Variants in RBM41 observed in about 807,000 individuals in gnomAD.
The protein encoded by RBM41 is RNA-binding protein 41.
RBM41 carries 14 observed loss-of-function variants against 30.8 expected under a neutral mutation model. That is an observed-to-expected ratio of 0.45 (90% CI 0.30 to 0.71). The LOEUF is 0.71. Among genes scored for constraint, RBM41 ranks in the 30% least tolerant of loss-of-function variants. The pLI is 0.08. For synonymous variants in RBM41, 120 were observed against 110.1 expected (o/e 1.09, Z -0.56); for missense variants, 276 against 326.3 (o/e 0.85, Z 1.19).
intron 6 of RBM41, among the ~76,000 whole-genome samples, chrX:107,082,123 G>A (rs1457661070): frequency 9.0e-6 from 1 of 111,671 alleles, no homozygotes; most frequent in Non-Finnish European, 1.9e-5. Context: ...TCCAGTTTCT[G>A]TTAAGTATAA....
intron 6 of RBM41, 32 bp from the exon 7 acceptor site, chrX:107,069,434 A>C (rs1935964361): frequency 8.6e-7 from 1 of 1,161,571 alleles, no homozygotes; most frequent in Non-Finnish European, 1.2e-6. Context: ...CCAAAATATC[A>C]TATAAAGGAG....
chrX:107,104,981 C>T (rs1447008104), intron 5 of RBM41, among the ~76,000 whole-genome samples: 6 of 110,270 alleles, frequency 5.4e-5, no homozygotes, highest in Non-Finnish European at 1.1e-4. Context: ...CCTCTCTCAC[C>T]ACTCCTATTC....
At chrX:107,074,829 C>A (rs778921962) in intron 6 of RBM41, among the ~76,000 whole-genome samples, 2 of 111,410 alleles carry the variant, frequency 1.8e-5, no homozygotes, top group Non-Finnish European at 3.8e-5. Context: ...TTAATATATC[C>A]GAACTATCCA....
intron 6 of RBM41, among the ~76,000 whole-genome samples, chrX:107,083,046 T>A (rs747415447): frequency 1.8e-5 from 2 of 111,019 alleles, no homozygotes; most frequent in Non-Finnish European, 3.8e-5. Flanking sequence ...ATTTTGCTTA[T>A]CTCTGGAGAA....
chrX:107,098,366 T>C (rs185086146), intron 5 of RBM41, among the ~76,000 whole-genome samples: 1 of 111,862 alleles, frequency 8.9e-6, no homozygotes. Context: ...GAAAAACAAG[T>C]TGGAAAGAAT....
intron 6 of RBM41, among the ~76,000 whole-genome samples, chrX:107,073,930 A>C (rs749926559): frequency 1.8e-5 from 2 of 111,665 alleles, no homozygotes; most frequent in African/African-American, 3.3e-5. Context: ...GATTTCATAG[A>C]AGTAAAAAGT....
chrX:107,067,402 T>A lies in RBM41; in HGVS notation c.*125A>T, dbSNP rs1440601881. On this transcript the variant is annotated 3_prime_UTR_variant, in exon 8 of 8. Coordinates refer to ENST00000685964, the MANE Select transcript of RBM41 (RefSeq NM_001324242.2). The stretch of plus-strand genomic sequence containing the variant: ...AGTTCTCTCCAAAAGCTGAAATTAC[T>A]TTTTTCCCCTCCCTCAGTTAGTTTT... 9.2e-7 allele frequency: 1 copy of A among 1,090,970 alleles called. No individual in the cohort carries two copies. Among genetic ancestry groups the A allele is most frequent in the African/African-American group, 1.9e-5 (1 of 53,871 alleles). 89.9% of individuals were successfully genotyped at this position (1,090,970 alleles called of 1,213,427 possible).
At chrX:107,077,573 A>AACACACACACACACACACAC (rs35841168) in intron 6 of RBM41, among the ~76,000 whole-genome samples, 12 of 92,675 alleles carry the variant, frequency 1.3e-4, no homozygotes, top group African/African-American at 5.1e-4. Flanking sequence ...CAACATACAT[A>AACACACACACACACACACAC]ACACACACAC....
At chrX:107,054,084 G>A in the RBM41 span, among the ~76,000 whole-genome samples, 9 of 110,435 alleles carry the variant, frequency 8.1e-5, no homozygotes, top group East Asian at 2.8e-4. Context: ...CAGTGAGAGC[G>A]AAAGGGGGTA....
intron 6 of RBM41, among the ~76,000 whole-genome samples, chrX:107,076,920 A>C (rs989245131): frequency 1.8e-5 from 2 of 111,987 alleles, no homozygotes; most frequent in African/African-American, 6.5e-5. Context: ...TAGAATCTTT[A>C]AGTTTCAAAA....
intron 6 of RBM41, among the ~76,000 whole-genome samples, chrX:107,077,618 C>G (rs1921101840): frequency 1.2e-5 from 1 of 81,340 alleles, no homozygotes; most frequent in African/African-American, 5.8e-5. Context: ...ACAGATAAAG[C>G]TAGGTTCAAA....
At position 107,063,495 on chromosome X, in the gene RBM41, T is replaced by C. The variant is rs936171123; in HGVS notation, c.*4032A>G. 8.9e-6 allele frequency among the ~76,000 whole-genome samples: 1 copy of C among 112,312 alleles called. No homozygotes were observed. The highest frequency in any genetic ancestry group is 3.2e-5 in the African/African-American group (1 of 30,982). ...AGCTATTTCAGCCTGGGCTCTTCTT[T>C]GTGGGTATCTTTTCAAAAACTCATT... On this transcript the variant is annotated 3_prime_UTR_variant, in exon 8 of 8. Coordinates refer to ENST00000685964, the MANE Select transcript of RBM41 (RefSeq NM_001324242.2).
intron 6 of RBM41, among the ~76,000 whole-genome samples, chrX:107,076,048 T>G (rs1304390174): frequency 5.4e-5 from 6 of 111,197 alleles, no homozygotes; most frequent in Non-Finnish European, 1.1e-4. Flanking sequence ...CTGGGTGTGG[T>G]GGCTCACGCC....
intron 5 of RBM41, among the ~76,000 whole-genome samples, chrX:107,108,862 A>T (rs769629435): frequency 9.6e-6 from 1 of 104,277 alleles, no homozygotes; most frequent in South Asian, 3.9e-4. Context: ...TCCTTGGAGA[A>T]TTTTCACTAT....
intron 5 of RBM41, among the ~76,000 whole-genome samples, chrX:107,101,665 T>G (rs1244229554): frequency 9.0e-6 from 1 of 111,688 alleles, no homozygotes; most frequent in Non-Finnish European, 1.9e-5. Flanking sequence ...CTTGCCAACA[T>G]TTTGATTTTG....
At chrX:107,060,419 A>G (rs1935621912), downstream of RBM41, among the ~76,000 whole-genome samples, 2 of 110,028 alleles carry the variant, frequency 1.8e-5, no homozygotes, top group South Asian at 7.9e-4. Flanking sequence ...CAATGATGTT[A>G]TAAAAAGGGA....
intron 5 of RBM41, among the ~76,000 whole-genome samples, chrX:107,097,891 G>A (rs890134382): frequency 4.5e-5 from 5 of 111,314 alleles, no homozygotes; most frequent in Non-Finnish European, 9.4e-5. Flanking sequence ...GGCTTGGGGT[G>A]TATGTGGGAG....
chrX:107,090,755 A>T (rs1002394402), intron 5 of RBM41, among the ~76,000 whole-genome samples: 4 of 111,575 alleles, frequency 3.6e-5, no homozygotes, highest in Non-Finnish European at 5.7e-5. Flanking sequence ...CATTTTTTTT[A>T]AAATGATCCA....
intron 6 of RBM41, among the ~76,000 whole-genome samples, chrX:107,077,609 CAG>C (rs1556003102): frequency 2.8e-5 from 3 of 108,323 alleles, no homozygotes; most frequent in African/African-American, 1.0e-4. Context: ...CACACACACA[CAG>C]ATAAAGCTAG....
Sources: allele counts gnomAD v4.1 joint callset (sites outside exome capture counted in the v4.1 genomes callset), GRCh38; gene constraint gnomAD v4.1.1; transcripts MANE v1.5; gene names NCBI Gene and HGNC (gene_info 2026-07-23, HGNC 2026-07-21).